The following BCAS3 variants were observed in gnomAD, a reference collection of about 807,000 sequenced individuals.
BCAS3 encodes the protein BCAS3 microtubule associated cell migration factor, also known as BCAS4/BCAS3 fusion.
Under a neutral mutation model 116.1 loss-of-function variants are expected in BCAS3, and 53 were observed. The ratio of observed to expected loss-of-function variants is 0.46; its 90% CI spans 0.37 to 0.57. BCAS3 has a LOEUF of 0.57. Among genes scored for constraint, BCAS3 ranks in the 20% least tolerant of loss-of-function variants. The pLI is 0.00. For synonymous variants in BCAS3, 391 were observed against 408.2 expected (o/e 0.96, Z 0.51); for missense variants, 917 against 1,165.4 (o/e 0.79, Z 3.10).
intron 22 of BCAS3, among the ~76,000 whole-genome samples, chr17:61,252,126 T>C (rs2048415558): frequency 6.6e-6 from 1 of 152,218 alleles, no homozygotes; most frequent in South Asian, 2.1e-4. Context: ...AAACATTTTC[T>C]TTTCATCTGC....
intron 22 of BCAS3, among the ~76,000 whole-genome samples, chr17:61,103,538 A>G (rs1173792396): frequency 1.3e-5 from 2 of 152,218 alleles, no homozygotes; most frequent in Non-Finnish European, 2.9e-5. Context: ...AACTTTAGTT[A>G]TATTTGTTTT....
intron 22 of BCAS3, among the ~76,000 whole-genome samples, chr17:61,322,099 A>C (rs2055273706): frequency 6.6e-6 from 1 of 151,494 alleles, no homozygotes; most frequent in Non-Finnish European, 1.5e-5. Context: ...ACGCCTGGCT[A>C]CTTTTTGTAT....
intron 16 of BCAS3, among the ~76,000 whole-genome samples, chr17:61,022,225 A>G (rs996709390): frequency 4.6e-5 from 7 of 151,842 alleles, no homozygotes; most frequent in Non-Finnish European, 1.0e-4. Flanking sequence ...ACTATATACC[A>G]TATATATATT....
At chr17:60,945,870 C>T (rs2060462914) in intron 13 of BCAS3, among the ~76,000 whole-genome samples, 1 of 151,878 alleles carries the variant, frequency 6.6e-6, no homozygotes, top group Non-Finnish European at 1.5e-5. Flanking sequence ...CCTGTAATCC[C>T]AGCACTTTGG....
intron 6 of BCAS3, among the ~76,000 whole-genome samples, chr17:60,774,898 G>A (rs957917023): frequency 1.3e-5 from 2 of 152,148 alleles, no homozygotes; most frequent in Non-Finnish European, 2.9e-5. Flanking sequence ...GTCTGAAACT[G>A]TTTTTTATAT....
intron 22 of BCAS3, among the ~76,000 whole-genome samples, chr17:61,147,316 T>C (rs902657567): frequency 6.6e-5 from 10 of 151,216 alleles, no homozygotes; most frequent in African/African-American, 2.4e-4. Flanking sequence ...CCTCAGGTAA[T>C]CCGCCCGCCT....
rs1964866220 is a variant in BCAS3, at chr17:61,020,185, G to A, written c.1637+4284G>A. Among the ~76,000 whole-genome samples the A allele has an allele frequency of 6.6e-6, 1 of 152,144 alleles. No individual in the cohort carries two copies. Among genetic ancestry groups the A allele is most frequent in the South Asian group, 2.1e-4 (1 of 4,828 alleles). ...ATTAAATACCCAAATTGAGATAGAA[G>A]CCTCAACTTAAACCTTAAGGGGACA... On this transcript the variant is annotated intron_variant, in intron 16 of 23. Transcript: ENST00000407086. The surrounding 1 kb of genome is among the most constrained non-coding windows in gnomAD (Gnocchi z 4.5).
At chr17:61,335,370 G>C (rs2056638004) in intron 22 of BCAS3, among the ~76,000 whole-genome samples, 1 of 152,172 alleles carries the variant, frequency 6.6e-6, no homozygotes, top group Non-Finnish European at 1.5e-5. Flanking sequence ...CTCTGACTCA[G>C]AACTACTATT....
At chr17:60,807,970 C>T (rs371409830) in intron 6 of BCAS3, 34 bp from the exon 7 acceptor site, 1 of 1,461,594 alleles carries the variant, frequency 6.8e-7, no homozygotes, top group Non-Finnish European at 9.5e-7. Flanking sequence ...TAATATTCCT[C>T]AAAGCTTACA....
intron 19 of BCAS3, among the ~76,000 whole-genome samples, chr17:61,067,740 AAT>A (rs1334028912): frequency 9.1e-4 from 122 of 133,672 alleles, no homozygotes; most frequent in Middle Eastern, 3.8e-3. Flanking sequence ...AAAAAAAAAA[AAT>A]ATATATATAT....
At chr17:60,857,814 T>G (rs929931632) in intron 7 of BCAS3, among the ~76,000 whole-genome samples, 4 of 152,188 alleles carry the variant, frequency 2.6e-5, no homozygotes, top group African/African-American at 9.6e-5. Flanking sequence ...TCTTTTCCTA[T>G]TAGTTGTTGA....
chr17:60,729,861 G>T (rs563690526), intron 5 of BCAS3, among the ~76,000 whole-genome samples: 3 of 152,328 alleles, frequency 2.0e-5, no homozygotes, highest in Non-Finnish European at 4.4e-5. Flanking sequence ...ATTATGAAGT[G>T]TTTATGACAG....
chr17:61,193,958 AAC>A (rs2080315572), intron 22 of BCAS3, among the ~76,000 whole-genome samples: 2 of 151,426 alleles, frequency 1.3e-5, no homozygotes, highest in Non-Finnish European at 1.5e-5. Context: ...CTATACTAAA[AAC>A]ACAAAAATTT....
chr17:60,691,983 G>A (rs1254865751), intron 4 of BCAS3, among the ~76,000 whole-genome samples: 1 of 151,234 alleles, frequency 6.6e-6, no homozygotes, highest in Non-Finnish European at 1.5e-5. Flanking sequence ...GCCCCACCCA[G>A]AGTTTGCAGT....
rs758330094 is a variant in BCAS3 at position 61,380,483 on chromosome 17, G to A, written c.2594-11494G>A. ...GGTCCAGTTTGTGATCCGCTTTAAA[G>A]GAATATTTTATTTTCAATACAGACA... On this transcript the variant is annotated intron_variant, in intron 23 of 23. Transcript: ENST00000407086. This position sits in a 1 kb window ranked among gnomAD's most constrained non-coding sequence, Gnocchi z 4.2. The A allele has an allele frequency of 5.7e-6, 9 of 1,591,634 alleles. No individual in the cohort carries two copies. In the South Asian group the frequency reaches 7.7e-5, roughly 14 times the overall value.
intron 7 of BCAS3, among the ~76,000 whole-genome samples, chr17:60,840,518 A>G (rs2051806118): frequency 6.6e-6 from 1 of 152,188 alleles, no homozygotes; most frequent in South Asian, 2.1e-4. Flanking sequence ...ATAATTACAC[A>G]AGAATACTTA....
At chr17:60,936,447 A>G (rs1258101944) in intron 13 of BCAS3, among the ~76,000 whole-genome samples, 1 of 152,078 alleles carries the variant, frequency 6.6e-6, no homozygotes, top group Non-Finnish European at 1.5e-5. Context: ...GACTTCCACA[A>G]TGGTTGAACT....
chr17:61,147,456 T>C (rs2077289764), intron 22 of BCAS3, among the ~76,000 whole-genome samples: 3 of 152,052 alleles, frequency 2.0e-5, no homozygotes. Flanking sequence ...CTCCTGAGCT[T>C]AATCAGTCTA....
At chr17:61,006,833 A>C (rs2064753420) in intron 15 of BCAS3, among the ~76,000 whole-genome samples, 1 of 152,118 alleles carries the variant, frequency 6.6e-6, no homozygotes, top group Non-Finnish European at 1.5e-5. Context: ...ATTTATACGT[A>C]TGAAGAATTT....
Sources: allele counts gnomAD v4.1 joint callset (sites outside exome capture counted in the v4.1 genomes callset), GRCh38; gene constraint gnomAD v4.1.1; non-coding constraint Gnocchi (gnomAD v3.1); transcripts MANE v1.5; gene names NCBI Gene and HGNC (gene_info 2026-07-23, HGNC 2026-07-21).